The following PEX5L variants were observed in gnomAD, a reference collection of about 807,000 sequenced individuals.
PEX5L encodes the protein PEX5-related protein.
Under a neutral mutation model 84.0 loss-of-function variants are expected in PEX5L, and 30 were observed. The ratio of observed to expected loss-of-function variants is 0.36; its 90% confidence interval spans 0.27 to 0.48. The LOEUF (loss-of-function observed/expected upper bound fraction) is 0.48. PEX5L is among the 20% of genes least tolerant of loss of function. PEX5L has a pLI of 0.99. For synonymous variants in PEX5L, 270 were observed against 283.1 expected (o/e 0.95, Z 0.46); for missense variants, 533 against 754.6 (o/e 0.71, Z 3.44).
chr3:179,804,955 C>A (rs1449611958), intron 14 of PEX5L, among the ~76,000 whole-genome samples: 1 of 151,930 alleles, frequency 6.6e-6, no homozygotes, highest in African/African-American at 2.4e-5. Flanking sequence ...CCTGTGTCTA[C>A]TAAAAATACA....
intron 2 of PEX5L, among the ~76,000 whole-genome samples, chr3:179,967,881 C>T (rs1207941361): frequency 1.3e-5 from 2 of 152,102 alleles, no homozygotes; most frequent in Non-Finnish European, 2.9e-5. Flanking sequence ...TAAGAAACCC[C>T]GGGGGTGGGA....
At chr3:179,959,427 C>T (rs78953033) in intron 2 of PEX5L, among the ~76,000 whole-genome samples, 5 of 152,260 alleles carry the variant, frequency 3.3e-5, no homozygotes, top group East Asian at 3.9e-4. Flanking sequence ...CCAACCATAC[C>T]GGCTTCTTAA....
At chr3:179,969,815 T>A (rs1784296196) in intron 2 of PEX5L, among the ~76,000 whole-genome samples, 1 of 152,176 alleles carries the variant, frequency 6.6e-6, no homozygotes, top group Non-Finnish European at 1.5e-5. Flanking sequence ...AAACAGCGAC[T>A]CTGAGAAAAT....
At chr3:179,920,992 A>C (rs1284721130) in intron 2 of PEX5L, among the ~76,000 whole-genome samples, 1 of 152,138 alleles carries the variant, frequency 6.6e-6, no homozygotes, top group Non-Finnish European at 1.5e-5. Flanking sequence ...GCCCCTTACT[A>C]TTAACTAGGG....
At position 179,931,210 on chromosome 3, in the gene PEX5L, T is replaced by A. The variant is rs561269793; in HGVS notation, c.94-32964A>T. ...TTGTGTTCAAGATAGAAGGCTAGAGTCGAATTGGTGCCAGTATTGGGACCT... is the reference window on the plus strand; with the variant it reads ...TTGTGTTCAAGATAGAAGGCTAGAGACGAATTGGTGCCAGTATTGGGACCT... On this transcript the variant is annotated intron_variant, in intron 2 of 14. Transcript: ENST00000467460. 8.5e-5 allele frequency among the ~76,000 whole-genome samples: 13 copies of A among 152,268 alleles called. No individual in the cohort carries two copies. The East Asian group carries it at 1.7e-3, about 20-fold the overall frequency.
In PEX5L at chr3:179,808,448, A is replaced by G; in HGVS notation, c.1353-11T>C. ...CCTTCCAGAACAGAGCTACAAGAGA[A>G]AAAAAAAATTAGATTTGTAATCCAA... On this transcript the variant is annotated splice_polypyrimidine_tract_variant and intron_variant, in intron 12 of 14. Coordinates refer to ENST00000467460, the MANE Select transcript of PEX5L (RefSeq NM_016559.3). The G allele has an allele frequency of 7.0e-7, 1 of 1,419,318 alleles. No individual in the cohort carries two copies. The highest frequency in any genetic ancestry group is 9.3e-7 in the Non-Finnish European group (1 of 1,075,916). 87.9% of individuals were successfully genotyped at this position (1,419,318 alleles called of 1,614,324 possible). A position where few individuals can be genotyped will look rare whatever the true frequency, so the allele number is the denominator to read the frequency against.
intron 8 of PEX5L, among the ~76,000 whole-genome samples, chr3:179,838,165 G>A (rs1735706152): frequency 1.3e-5 from 2 of 152,112 alleles, no homozygotes; most frequent in Non-Finnish European, 2.9e-5. Flanking sequence ...TGGCCTTTTA[G>A]TGGCATTCCT....
chr3:179,891,034 C>T (rs1356084160), intron 3 of PEX5L, among the ~76,000 whole-genome samples: 1 of 150,390 alleles, frequency 6.6e-6, no homozygotes, highest in African/African-American at 2.5e-5. Flanking sequence ...GGAGAAAGCA[C>T]ACTAGCACTC....
intron 3 of PEX5L, among the ~76,000 whole-genome samples, chr3:179,888,656 G>T (rs1461458358): frequency 6.6e-6 from 1 of 151,064 alleles, no homozygotes; most frequent in African/African-American, 2.4e-5. Flanking sequence ...TTTTTTTTGG[G>T]GGGGGTGGGG....
chr3:179,971,691 T>A, intron 1 of PEX5L, 26 bp from the exon 2 acceptor site: 1 of 1,568,432 alleles, frequency 6.4e-7, no homozygotes, highest in Non-Finnish European at 8.7e-7. Context: ...TTTTAAATGA[T>A]CATTTAGTTT....
chr3:179,951,608 G>T (rs1323277372), intron 2 of PEX5L, among the ~76,000 whole-genome samples: 4 of 152,220 alleles, frequency 2.6e-5, no homozygotes, highest in Non-Finnish European at 5.9e-5. Context: ...CTCTTCTAAG[G>T]TATAGCAGAG....
intron 8 of PEX5L, among the ~76,000 whole-genome samples, chr3:179,824,378 C>T (rs1304103779): frequency 6.6e-6 from 1 of 152,146 alleles, no homozygotes; most frequent in Non-Finnish European, 1.5e-5. Flanking sequence ...CCAAACCAAA[C>T]CAAACCAATC....
At chr3:179,995,130 C>T (rs1342156397) in intron 1 of PEX5L, among the ~76,000 whole-genome samples, 1 of 145,714 alleles carries the variant, frequency 6.9e-6, no homozygotes, top group Admixed American at 6.9e-5. Context: ...TATATATACA[C>T]TATATATACA....
Position 179,874,631 on chromosome 3 carries a change from T to A in PEX5L, c.630-208A>T, listed in dbSNP as rs188160850. 1.0e-3 allele frequency among the ~76,000 whole-genome samples: 153 copies of A among 151,474 alleles called. 1 individual carries two copies. The highest frequency in any genetic ancestry group is 0.01 in the Admixed American group (152 of 15,126). On this transcript the variant is annotated intron_variant, in intron 6 of 14. Coordinates refer to ENST00000467460, the MANE Select transcript of PEX5L (RefSeq NM_016559.3). ...GGCTACAGTGTGCTAGGTGTTATTA[T>A]CTTCGATTAAAAATTCAGTTCGATT... is the stretch of plus-strand genomic sequence containing the variant.
At chr3:179,825,364 C>G (rs1187229051) in intron 8 of PEX5L, among the ~76,000 whole-genome samples, 1 of 152,086 alleles carries the variant, frequency 6.6e-6, no homozygotes, top group Non-Finnish European at 1.5e-5. Flanking sequence ...ATGGAATGAC[C>G]AATGTGAGGA....
intron 1 of PEX5L, among the ~76,000 whole-genome samples, chr3:180,000,494 G>C (rs1428556019): frequency 1.3e-5 from 2 of 152,030 alleles, no homozygotes; most frequent in Non-Finnish European, 2.9e-5. Flanking sequence ...CACTCCTCCA[G>C]GAAAAAAAAC....
intron 1 of PEX5L, among the ~76,000 whole-genome samples, chr3:179,985,869 T>C (rs1786766939): frequency 1.3e-5 from 2 of 151,194 alleles, no homozygotes; most frequent in Non-Finnish European, 1.5e-5. Flanking sequence ...CAGTCCACTC[T>C]TGTGGAGGCC....
At chr3:179,953,839 T>G (rs188190280) in intron 2 of PEX5L, among the ~76,000 whole-genome samples, 3 of 152,034 alleles carry the variant, frequency 2.0e-5, no homozygotes, top group Admixed American at 2.0e-4. Flanking sequence ...TAAATCATAA[T>G]GGAAGGAGTG....
intron 2 of PEX5L, among the ~76,000 whole-genome samples, chr3:179,918,273 A>C (rs750310478): frequency 6.6e-6 from 1 of 152,092 alleles, no homozygotes; most frequent in Admixed American, 6.5e-5. Context: ...TTCCACTGTC[A>C]TCTATCTTCT....
Sources: gnomAD v4.1 joint callset for allele counts (sites outside exome capture counted in the v4.1 genomes callset) on GRCh38, gnomAD v4.1.1 for gene constraint, MANE v1.5 for transcripts, NCBI Gene and HGNC (gene_info 2026-07-23, HGNC 2026-07-21) for gene names.